Variants in POFUT4 observed in about 807,000 individuals in gnomAD.
POFUT4 encodes protein O-fucosyltransferase 4, also known as GDP-fucose protein O-fucosyltransferase 4.
chr10:73,774,746 C>T, the POFUT4 span: 56 of 153,388 alleles, frequency 3.7e-4, 1 homozygote, highest in African/African-American at 1.3e-3. Context: ...AGAAGGGAAG[C>T]GAATAGGCTA....
At chr10:73,775,017 A>C in the POFUT4 span, 1 of 183,952 alleles carries the variant, frequency 5.4e-6, no homozygotes, top group Non-Finnish European at 1.2e-5. Flanking sequence ...ATTTGTATCT[A>C]ATTACAAATT....
At chr10:73,772,433 G>A in the POFUT4 span, 129 of 1,567,644 alleles carry the variant, frequency 8.2e-5, no homozygotes, top group South Asian at 1.5e-3. Flanking sequence ...GGAGGCCGGC[G>A]GGGAGGCGGA....
At chr10:73,775,945 G>T in the POFUT4 span, 2 of 471,986 alleles carry the variant, frequency 4.2e-6, no homozygotes, top group South Asian at 3.1e-5. Context: ...TTTGATTCAA[G>T]GTGCTGGTCC....
At chr10:73,772,756 C>A in the POFUT4 span, 1 of 1,605,834 alleles carries the variant, frequency 6.2e-7, no homozygotes, top group Admixed American at 1.7e-5. Flanking sequence ...CGCACCAGAG[C>A]TGGGCGCTCC....
chr10:73,772,698 T>C, the POFUT4 span: 2 of 1,577,324 alleles, frequency 1.3e-6, no homozygotes, highest in Non-Finnish European at 1.7e-6. Flanking sequence ...GCGCTGCTCT[T>C]CTACGGCACA....
the POFUT4 span, among the ~76,000 whole-genome samples, chr10:73,778,554 G>C: frequency 4.6e-5 from 7 of 152,140 alleles, no homozygotes; most frequent in African/African-American, 1.4e-4. Flanking sequence ...TACTCTAGTT[G>C]TAATGTATTA....
At chr10:73,777,024 C>G in the POFUT4 span, among the ~76,000 whole-genome samples, 1 of 152,148 alleles carries the variant, frequency 6.6e-6, no homozygotes, top group Non-Finnish European at 1.5e-5. Flanking sequence ...GTTTTAGGCC[C>G]TTTTCCACAA....
At chr10:73,773,648 T>C in the POFUT4 span, 1 of 1,614,138 alleles carries the variant, frequency 6.2e-7, no homozygotes, top group African/African-American at 1.3e-5. Context: ...GCTTCGAGTG[T>C]TTCGTCTGTG....
the POFUT4 span, chr10:73,774,171 T>C: frequency 5.1e-6 from 1 of 195,736 alleles, no homozygotes; most frequent in Non-Finnish European, 1.0e-5. Flanking sequence ...TTCAGGAGTT[T>C]GCACTGCACT....
the POFUT4 span, chr10:73,775,579 T>C: frequency 6.2e-7 from 1 of 1,614,266 alleles, no homozygotes; most frequent in South Asian, 1.1e-5. Context: ...TGGCAAGGTC[T>C]GGACCAGGGG....
chr10:73,779,631 C>T, the POFUT4 span: 4 of 151,804 alleles, frequency 2.6e-5, no homozygotes, highest in African/African-American at 9.7e-5. Flanking sequence ...AAATGCAGGA[C>T]TGATTTCTAA....
chr10:73,773,574 C>T, the POFUT4 span: 1 of 1,614,286 alleles, frequency 6.2e-7, no homozygotes, highest in East Asian at 2.2e-5. Context: ...CCAATTTCTT[C>T]TGGATAGTCT....
At chr10:73,775,196 A>G in the POFUT4 span, 1 of 549,994 alleles carries the variant, frequency 1.8e-6, no homozygotes, top group Non-Finnish European at 3.2e-6. Context: ...AAAGATAATC[A>G]TCTAAAGACC....
chr10:73,772,887 C>T, the POFUT4 span: 2 of 1,612,064 alleles, frequency 1.2e-6, no homozygotes, highest in East Asian at 4.5e-5. Flanking sequence ...CAGTGGCTGC[C>T]CGGGACCGCC....
the POFUT4 span, chr10:73,772,276 G>A: frequency 7.4e-7 from 1 of 1,350,846 alleles, no homozygotes; most frequent in South Asian, 1.7e-5. Context: ...GTCCGGTCAC[G>A]ACTATCCGCT....
chr10:73,779,438 C>T, the POFUT4 span: 3 of 152,270 alleles, frequency 2.0e-5, no homozygotes, highest in African/African-American at 7.2e-5. Context: ...TGGCGCATGA[C>T]TATAATCCCA....
At chr10:73,776,026 A>G in the POFUT4 span, 451 of 249,282 alleles carry the variant, frequency 1.8e-3, 5 homozygotes, top group Middle Eastern at 8.2e-3. Flanking sequence ...GTGAAGTAAG[A>G]TGGGTCAGGT....
chr10:73,772,434 G>A, the POFUT4 span: 1 of 1,566,502 alleles, frequency 6.4e-7, no homozygotes, highest in Non-Finnish European at 8.6e-7. Flanking sequence ...GAGGCCGGCG[G>A]GGAGGCGGAG....
the POFUT4 span, chr10:73,775,483 G>A: frequency 6.2e-7 from 1 of 1,614,172 alleles, no homozygotes. Flanking sequence ...CTCGGAAAAA[G>A]GCAGGACTCA....
Sources: allele counts gnomAD v4.1 joint callset (sites outside exome capture counted in the v4.1 genomes callset), GRCh38; gene constraint gnomAD v4.1.1; transcripts MANE v1.5; gene names NCBI Gene and HGNC (gene_info 2026-07-23, HGNC 2026-07-21).